UGT8: variants seen among roughly 807,000 people sequenced by gnomAD.
UGT8 encodes the protein 2-hydroxyacylsphingosine 1-beta-galactosyltransferase.
A neutral mutation model predicts 40.5 loss-of-function variants in UGT8; 12 were observed. The observed-to-expected ratio is 0.30, with a 90% CI of 0.19 to 0.48. UGT8 has a LOEUF of 0.48. UGT8 is among the 20% of genes least tolerant of loss of function. The probability of loss-of-function intolerance (pLI) is 0.99; values close to 1 mark genes in which losing one functional copy is unlikely to be tolerated. For synonymous variants in UGT8, 224 were observed against 240.4 expected, an observed-to-expected ratio of 0.93 and a Z score of 0.63; for missense variants, 513 against 648.7, an observed-to-expected ratio of 0.79 and a Z score of 2.27.
At chr4:114,636,070 C>T (rs573684657) in intron 2 of UGT8, among the ~76,000 whole-genome samples, 57 of 152,072 alleles carry the variant, frequency 3.7e-4, no homozygotes, top group Non-Finnish European at 5.4e-4. Flanking sequence ...TTTAAAATTA[C>T]GGTTTAATGG....
chr4:114,644,718 A>G (rs1413856894), intron 2 of UGT8, among the ~76,000 whole-genome samples: 1 of 152,106 alleles, frequency 6.6e-6, no homozygotes, highest in Non-Finnish European at 1.5e-5. Context: ...CCCTTGCTTT[A>G]TGCCTATTAA....
At chr4:114,610,074 A>G (rs114144409) in intron 1 of UGT8, among the ~76,000 whole-genome samples, 286 of 152,334 alleles carry the variant, frequency 1.9e-3, no homozygotes, top group African/African-American at 6.3e-3. Context: ...TGATTCATGT[A>G]TCACAGAATT....
intron 2 of UGT8, among the ~76,000 whole-genome samples, chr4:114,644,740 T>G (rs546334157): frequency 6.6e-5 from 10 of 152,288 alleles, no homozygotes; most frequent in Admixed American, 5.9e-4. Flanking sequence ...ATCACACCTA[T>G]CCTTCCTCTC....
At position 114,676,472 on chromosome 4, in the gene UGT8, A is replaced by G. The variant is rs1735653609; in HGVS notation, c.*184A>G. On this transcript the variant is annotated 3_prime_UTR_variant, in exon 6 of 6. Transcript: ENST00000310836. ...AAAAGCACAAACCTAAAATGCAGAA[A>G]TGTATTTTATTCAAATACTGATGTA... is the stretch of plus-strand genomic sequence containing the variant. 1 of 540,848 alleles carries G rather than the reference A, an allele frequency of 1.8e-6. No individual in the cohort carries two copies. Among genetic ancestry groups the G allele is most frequent in the Non-Finnish European group, 3.2e-6 (1 of 316,706 alleles). 33.5% of individuals were successfully genotyped at this position (540,848 alleles called of 1,614,324 possible). A position where few individuals can be genotyped will look rare whatever the true frequency, so the allele number is the denominator to read the frequency against.
intron 1 of UGT8, among the ~76,000 whole-genome samples, chr4:114,602,107 G>A (rs562644094): frequency 1.1e-3 from 167 of 152,180 alleles, no homozygotes; most frequent in Non-Finnish European, 1.7e-3. Context: ...AAAAATTTGT[G>A]TATGAGATCT....
chr4:114,615,608 G>A (rs1233511325), intron 1 of UGT8, among the ~76,000 whole-genome samples: 5 of 152,136 alleles, frequency 3.3e-5, no homozygotes, highest in Admixed American at 6.5e-5. Context: ...GGACCCAAGT[G>A]TCTTTGTTGT....
At chr4:114,621,603 T>G (rs1469216071) in intron 1 of UGT8, among the ~76,000 whole-genome samples, 1 of 152,170 alleles carries the variant, frequency 6.6e-6, no homozygotes, top group Non-Finnish European at 1.5e-5. Flanking sequence ...CTGATATACC[T>G]GGAAATTAAA....
intron 4 of UGT8, among the ~76,000 whole-genome samples, chr4:114,667,630 C>T (rs944138318): frequency 6.6e-6 from 1 of 152,118 alleles, no homozygotes; most frequent in African/African-American, 2.4e-5. Context: ...GAGAAGCACA[C>T]AAACTCTTCA....
At chr4:114,608,599 GA>G (rs902502190) in intron 1 of UGT8, among the ~76,000 whole-genome samples, 12 of 151,446 alleles carry the variant, frequency 7.9e-5, no homozygotes, top group African/African-American at 2.4e-4. Context: ...AGTCACAATG[GA>G]AAAAAAAGTT....
intron 1 of UGT8, among the ~76,000 whole-genome samples, chr4:114,606,255 A>G (rs1730722862): frequency 6.6e-6 from 1 of 152,144 alleles, no homozygotes; most frequent in Admixed American, 6.6e-5. Flanking sequence ...GAAGAATTCA[A>G]TTTTACTTAA....
intron 1 of UGT8, chr4:114,619,345 T>C (rs893038974): frequency 2.6e-5 from 4 of 152,120 alleles, no homozygotes; most frequent in Admixed American, 6.5e-5. Flanking sequence ...AAAGGTATAT[T>C]GTACACTTTA....
chr4:114,618,097 C>A (rs1223917692), intron 1 of UGT8, among the ~76,000 whole-genome samples: 1 of 151,944 alleles, frequency 6.6e-6, no homozygotes, highest in Non-Finnish European at 1.5e-5. Context: ...TGTTATGTTA[C>A]AAGTATTTTC....
chr4:114,634,475 G>A (rs1732766220), intron 2 of UGT8, among the ~76,000 whole-genome samples: 2 of 152,140 alleles, frequency 1.3e-5, no homozygotes, highest in African/African-American at 4.8e-5. Flanking sequence ...ATTCTGAGAA[G>A]TCATGACTAG....
At chr4:114,662,409 G>GTACATGAA (rs1354002198) in intron 2 of UGT8, among the ~76,000 whole-genome samples, 3 of 152,196 alleles carry the variant, frequency 2.0e-5, no homozygotes, top group Non-Finnish European at 4.4e-5. Context: ...AAAATTTGAA[G>GTACATGAA]TACAGTCTCT....
chr4:114,625,012 C>A (rs534048839), intron 2 of UGT8, among the ~76,000 whole-genome samples: 3 of 152,234 alleles, frequency 2.0e-5, no homozygotes, highest in South Asian at 4.2e-4. Flanking sequence ...TAGCTAAAAT[C>A]AGATTTTAGA....
intron 2 of UGT8, among the ~76,000 whole-genome samples, chr4:114,625,848 G>T (rs1430566739): frequency 2.0e-5 from 3 of 151,952 alleles, no homozygotes; most frequent in African/African-American, 7.3e-5. Context: ...CCTTTAATTT[G>T]CCATAATTTC....
At chr4:114,663,352 A>G (rs1390492999) in intron 2 of UGT8, among the ~76,000 whole-genome samples, 1 of 152,076 alleles carries the variant, frequency 6.6e-6, no homozygotes, top group Admixed American at 6.6e-5. Context: ...GGAGTCATCA[A>G]TGCACAGCAA....
chr4:114,621,140 A>G (rs1439439843), intron 1 of UGT8, among the ~76,000 whole-genome samples: 1 of 151,810 alleles, frequency 6.6e-6, no homozygotes, highest in East Asian at 1.9e-4. Flanking sequence ...TTTATTACAC[A>G]TATCTGTTAA....
chr4:114,599,781 A>G (rs1427101350), intron 1 of UGT8, among the ~76,000 whole-genome samples: 1 of 151,992 alleles, frequency 6.6e-6, no homozygotes, highest in Non-Finnish European at 1.5e-5. Context: ...GCGGCGAGGG[A>G]GCCTGGTATG....
Sources: allele counts gnomAD v4.1 joint callset (sites outside exome capture counted in the v4.1 genomes callset), GRCh38; gene constraint gnomAD v4.1.1; transcripts MANE v1.5; gene names NCBI Gene and HGNC (gene_info 2026-07-23, HGNC 2026-07-21).